Variants in CCND1 observed in about 807,000 individuals in gnomAD.
The protein encoded by CCND1 is G1/S-specific cyclin-D1.
In CCND1, 9 loss-of-function variants were observed where a neutral mutation model predicts 26.1. The ratio of observed to expected loss-of-function variants is 0.35; its 90% CI spans 0.21 to 0.60. CCND1 has a LOEUF of 0.60. Among genes scored for constraint, CCND1 ranks in the 20% least tolerant of loss-of-function variants. The probability of loss-of-function intolerance (pLI) is 0.79; values close to 1 mark genes in which losing one functional copy is unlikely to be tolerated. For missense variants in CCND1, 335 were observed against 392.9 expected (o/e 0.85, Z 1.25); for synonymous variants, 194 against 166.1 (o/e 1.17, Z -1.29).
At chr11:69,643,348 A>C in intron 2 of CCND1, 102 bp downstream of exon 2, 9 of 883,530 alleles carry the variant, frequency 1.0e-5, no homozygotes, top group Non-Finnish European at 1.5e-5. Context: ...CCTCTGACAT[A>C]TCTGCTCCTC....
chr11:69,643,568 G>A (rs1261567169), intron 2 of CCND1: 5 of 451,352 alleles, frequency 1.1e-5, no homozygotes, highest in East Asian at 3.6e-5. Context: ...CCAGGTGGTG[G>A]GAGGTCTTTT....
rs374405138 is a variant in CCND1, at chr11:69,641,515, C to T, written c.198+4C>T. ...CGTCGCCACCTGGATGCTGGAGGTG[C>T]GGGGCTTCGGGCGGCTCTCTTAAGA... On this transcript the variant is annotated splice_donor_region_variant and intron_variant, in intron 1 of 4. Coordinates refer to ENST00000227507, the MANE Select transcript of CCND1 (RefSeq NM_053056.3). 1.9e-5 allele frequency: 30 copies of T among 1,612,578 alleles called. No homozygotes were observed. The African/African-American group carries it at 2.9e-4, about 16-fold the overall frequency.
chr11:69,642,417 C>G (rs1373485341), intron 1 of CCND1, among the ~76,000 whole-genome samples: 2 of 151,362 alleles, frequency 1.3e-5, no homozygotes, highest in Non-Finnish European at 3.0e-5. Context: ...GAAACGCCGC[C>G]CGCGCCCAGG....
At position 69,643,075 on chromosome 11, in the gene CCND1, C is replaced by T. The variant is rs142756403; in HGVS notation, c.243C>T (p.Ala81=). The change falls in exon 2 of 5, where the codon GCC becomes GCT. Residue 81 remains alanine (A), a synonymous_variant. Transcript: ENST00000227507. ...QKCEEEVFPL[A]MNYLDRFLSL... ...GCGAGGAGGAGGTCTTCCCGCTGGC[C>T]ATGAACTACCTGGACCGCTTCCTGT... 58 of 1,609,420 alleles carry T rather than the reference C, an allele frequency of 3.6e-5. No homozygotes were observed. In the East Asian group the frequency reaches 1.2e-3, roughly 34 times the overall value.
intron 3 of CCND1, among the ~76,000 whole-genome samples, chr11:69,647,592 C>T (rs954745351): frequency 9.2e-5 from 14 of 152,196 alleles, no homozygotes; most frequent in African/African-American, 3.4e-4. Flanking sequence ...GGGTTAGGGT[C>T]ATAGAAGCGA....
At position 69,654,231 on chromosome 11, in the gene CCND1, G is replaced by C. The variant is rs1425169635; in HGVS notation, c.*2949G>C. On this transcript the variant is annotated 3_prime_UTR_variant, in exon 5 of 5. Transcript: ENST00000227507. The surrounding 1 kb of genome is among the most constrained non-coding windows in gnomAD (Gnocchi z 6.3). ...AGGGACGCTTTGTCTGTCGTGATGGGGCAAGGGCACAAGTCCTGGATGTTG... is the reference window on the plus strand; with the variant it reads ...AGGGACGCTTTGTCTGTCGTGATGGCGCAAGGGCACAAGTCCTGGATGTTG... The C allele has an allele frequency of 7.1e-6, 5 of 702,414 alleles. No homozygotes were observed. The Admixed American group carries it at 1.0e-4, about 14-fold the overall frequency. 43.5% of individuals were successfully genotyped at this position (702,414 alleles called of 1,614,324 possible).
Position 69,654,236 on chromosome 11 carries a change from G to A in CCND1, c.*2954G>A, listed in dbSNP as rs888747494. The A allele has an allele frequency of 1.7e-5, 12 of 702,444 alleles. No individual in the cohort carries two copies. Among genetic ancestry groups the A allele is most frequent in the African/African-American group, 7.0e-5 (4 of 57,266 alleles). 43.5% of individuals were successfully genotyped at this position (702,444 alleles called of 1,614,324 possible). A position where few individuals can be genotyped will look rare whatever the true frequency, so the allele number is the denominator to read the frequency against. ...CGCTTTGTCTGTCGTGATGGGGCAA[G>A]GGCACAAGTCCTGGATGTTGTGTGT... On this transcript the variant is annotated 3_prime_UTR_variant, in exon 5 of 5. Transcript: ENST00000227507. The surrounding 1 kb of genome is among the most constrained non-coding windows in gnomAD (Gnocchi z 6.3).
chr11:69,646,918 C>T (rs34507830), intron 3 of CCND1, among the ~76,000 whole-genome samples: 2,279 of 152,328 alleles, frequency 0.015, 22 homozygotes, highest in Non-Finnish European at 0.023. Context: ...CAGTATCTGG[C>T]AGTGACCAGA....
rs1319191941 is a variant in CCND1 at position 69,651,102 on chromosome 11, A to G, written c.724-16A>G. ...GGACCCCCTCTTCCCACCTCTCCCCACCCTCTCTCTCTCAGGACTGCCTCC... is the reference window on the plus strand; with the variant it reads ...GGACCCCCTCTTCCCACCTCTCCCCGCCCTCTCTCTCTCAGGACTGCCTCC... On this transcript the variant is annotated splice_polypyrimidine_tract_variant and intron_variant, in intron 4 of 4. Coordinates refer to ENST00000227507, the MANE Select transcript of CCND1 (RefSeq NM_053056.3). 2.5e-6 allele frequency: 4 copies of G among 1,607,684 alleles called. No individual in the cohort carries two copies. Among genetic ancestry groups the G allele is most frequent in the South Asian group, 1.1e-5 (1 of 90,174 alleles).
At chr11:69,646,104 T>C (rs529948881) in intron 3 of CCND1, among the ~76,000 whole-genome samples, 45 of 152,268 alleles carry the variant, frequency 3.0e-4, no homozygotes, top group African/African-American at 1.1e-3. Context: ...CCCCAGTGAC[T>C]CCACGCTGTG....
chr11:69,642,386 G>A (rs1855717831), intron 1 of CCND1, among the ~76,000 whole-genome samples: 1 of 152,068 alleles, frequency 6.6e-6, no homozygotes, highest in Non-Finnish European at 1.5e-5. Context: ...TGAAAGTGCG[G>A]CGTGGTGCCC....
chr11:69,647,085 G>A (rs907490126), intron 3 of CCND1, among the ~76,000 whole-genome samples: 6 of 152,200 alleles, frequency 3.9e-5, no homozygotes, highest in Non-Finnish European at 7.4e-5. Flanking sequence ...CCCGGCTCCC[G>A]GCCCAGTCCT....
chr11:69,641,211 G>A lies in CCND1; in HGVS notation c.-103G>A. On this transcript the variant is annotated 5_prime_UTR_variant, in exon 1 of 5. Coordinates refer to ENST00000227507, the MANE Select transcript of CCND1 (RefSeq NM_053056.3). ...GCAGAGTCCGCACGCTCCGGCGAGG[G>A]GCAGAAGAGCGCGAGGGAGCGCGGG... The A allele has an allele frequency of 3.5e-6, 4 of 1,158,006 alleles. No homozygotes were observed. The highest frequency in any genetic ancestry group is 5.1e-6 in the Non-Finnish European group (4 of 787,116). The allele number at this position is 1,158,006 out of a possible 1,614,324, so 71.7% of individuals were successfully genotyped here. A position where few individuals can be genotyped will look rare whatever the true frequency, so the allele number is the denominator to read the frequency against.
chr11:69,654,060 G>C lies in CCND1; in HGVS notation c.*2778G>C. The stretch of plus-strand genomic sequence containing the variant: ...TTGCACCCCGCTGCGGGCCCACGTG[G>C]TTGGGGCCCTGCCCTGGCAGGGTCA... On this transcript the variant is annotated 3_prime_UTR_variant, in exon 5 of 5. Coordinates refer to ENST00000227507, the MANE Select transcript of CCND1 (RefSeq NM_053056.3). This position sits in a 1 kb window ranked among gnomAD's most constrained non-coding sequence, Gnocchi z 6.3. The C allele has an allele frequency of 1.6e-6, 1 of 606,748 alleles. No individual in the cohort carries two copies. The highest frequency in any genetic ancestry group is 2.0e-5 in the South Asian group (1 of 51,226). 37.6% of individuals were successfully genotyped at this position (606,748 alleles called of 1,614,324 possible).
chr11:69,648,338 C>G, intron 4 of CCND1, 196 bp downstream of exon 4: 3 of 600,660 alleles, frequency 5.0e-6, no homozygotes, highest in Non-Finnish European at 2.9e-6. Flanking sequence ...TACTGACTGG[C>G]TGGGAGGTCC....
intron 4 of CCND1, among the ~76,000 whole-genome samples, chr11:69,649,783 G>A (rs540914301): frequency 9.1e-4 from 138 of 152,286 alleles, no homozygotes; most frequent in Middle Eastern, 3.4e-3. Context: ...ACGGGCCGCA[G>A]GTGAAGAATC....
At chr11:69,647,702 A>G (rs1855800998) in intron 3 of CCND1, among the ~76,000 whole-genome samples, 2 of 152,212 alleles carry the variant, frequency 1.3e-5, no homozygotes, top group South Asian at 4.1e-4. Context: ...GAAGGCAGTG[A>G]TGTCCCCATC....
chr11:69,647,998 G>A lies in CCND1; in HGVS notation c.579G>A (p.Val193=), dbSNP rs2120108584. ...CCCTCTCTCCTTCTGCCTCAGATGT[G>A]AAGTTCATTTCCAATCCGCCCTCCA... ...QTFVALCATD[V]KFISNPPSMV... is the part of the protein sequence containing the mutation. The change falls in exon 4 of 5, where the codon GTG becomes GTA. Residue 193 remains valine (V), a synonymous_variant. Transcript: ENST00000227507. The A allele has an allele frequency of 6.2e-7, 1 of 1,613,880 alleles. No individual in the cohort carries two copies. Among genetic ancestry groups the A allele is most frequent in the Non-Finnish European group, 8.5e-7 (1 of 1,180,000 alleles).
At chr11:69,644,299 T>C in intron 3 of CCND1, 2 of 415,218 alleles carry the variant, frequency 4.8e-6, no homozygotes, top group East Asian at 4.4e-5. Flanking sequence ...GGCCACTCCA[T>C]GCTGAAAGGG....
Sources: gnomAD v4.1 joint callset for allele counts (sites outside exome capture counted in the v4.1 genomes callset) on GRCh38, gnomAD v4.1.1 for gene constraint, Gnocchi (gnomAD v3.1) non-coding constraint, MANE v1.5 for transcripts, NCBI Gene and HGNC (gene_info 2026-07-23, HGNC 2026-07-21) for gene names.